The following PSMD2 variants were observed in gnomAD, a reference collection of about 807,000 sequenced individuals.
PSMD2 encodes proteasome 26S subunit ubiquitin receptor, non-ATPase 2, also known as 26S proteasome non-ATPase regulatory subunit 2.
PSMD2 carries 8 observed loss-of-function variants against 101.5 expected under a neutral mutation model. The observed-to-expected ratio is 0.08, with a 90% CI of 0.05 to 0.14. The LOEUF is 0.14. Among genes scored for constraint, PSMD2 ranks in the 10% least tolerant of loss-of-function variants. The pLI is 1.00. For missense variants in PSMD2, 784 were observed against 1,147.4 expected, an observed-to-expected ratio of 0.68 and a Z score of 4.58; for synonymous variants, 418 against 433.8, an observed-to-expected ratio of 0.96 and a Z score of 0.45.
intron 16 of PSMD2, among the ~76,000 whole-genome samples, chr3:184,307,127 T>C (rs1444697866): frequency 1.3e-5 from 2 of 151,796 alleles, no homozygotes; most frequent in Non-Finnish European, 2.9e-5. Flanking sequence ...GTATTTTTAG[T>C]AGAGACAGGG....
rs756150355 is a variant in PSMD2, at chr3:184,299,842, A to C, written c.136-9A>C. 8.1e-6 allele frequency: 13 copies of C among 1,611,354 alleles called. 1 individual carries two copies. In the East Asian group the frequency reaches 2.9e-4, roughly 36 times the overall value. ...TTCTCTTCATGAGCTGCTTCTCCCA[A>C]CCCTCCAGTCTGAAGAGGATAAACA... On this transcript the variant is annotated splice_polypyrimidine_tract_variant and intron_variant, in intron 1 of 20. Coordinates refer to ENST00000310118, the MANE Select transcript of PSMD2 (RefSeq NM_002808.5).
At chr3:184,305,622 A>G (rs1456296835) in intron 12 of PSMD2, 146 bp from the exon 13 acceptor site, 2 of 747,308 alleles carry the variant, frequency 2.7e-6, no homozygotes, top group Admixed American at 5.7e-5. Context: ...CTCAATGAAT[A>G]ATGACTACTA....
In PSMD2 at chr3:184,308,482, G is replaced by A. The variant is rs756693922; in HGVS notation, c.2459G>A (p.Gly820Glu). The A allele has an allele frequency of 6.2e-7, 1 of 1,612,216 alleles. No individual in the cohort carries two copies. The highest frequency in any genetic ancestry group is 8.5e-7 in the Non-Finnish European group (1 of 1,179,846). ...ILGKSHYVLY[G>E]LVAAMQPRML... The stretch of plus-strand genomic sequence containing the variant: ...GGCAAATCACACTATGTATTGTATG[G>A]GCTGGTGGCTGCCATGCAGCCCCGA... Residue 820 changes from glycine (G) to glutamate (E), a missense_variant, in exon 20 of 21, where the codon GGG becomes GAG. By Grantham distance (98) the Gly-to-Glu change is moderately conservative. Around this residue, in one of 6 missense-constraint regions of PSMD2, gnomAD observed 28 missense variants for 80.8 expected, o/e 0.35. Coordinates refer to ENST00000310118, the MANE Select transcript of PSMD2 (RefSeq NM_002808.5). The surrounding 1 kb of genome is among the most constrained non-coding windows in gnomAD (Gnocchi z 6.0).
intron 2 of PSMD2, 33 bp from the exon 3 acceptor site, chr3:184,300,247 C>T: frequency 6.3e-7 from 1 of 1,589,946 alleles, no homozygotes; most frequent in Non-Finnish European, 8.6e-7. Context: ...GGTGTGACTC[C>T]TTTTTGTCTG....
Position 184,306,692 on chromosome 3 carries a change from A to T in PSMD2, c.1951-59A>T, listed in dbSNP as rs138296063. The stretch of plus-strand genomic sequence containing the variant: ...TTTATTTTCAGATGGGACTTGAGTC[A>T]AGGGTGACTGTTTTTTATTCCTTGA... On this transcript the variant is annotated intron_variant, in intron 15 of 20. Transcript: ENST00000310118. 4.6e-3 allele frequency: 7,213 copies of T among 1,575,002 alleles called. 27 individuals are homozygous for T. Among genetic ancestry groups the T allele is most frequent in the Admixed American group, 6.6e-3 (374 of 56,858 alleles).
At chr3:184,303,235 A>T in intron 8 of PSMD2, 85 bp from the exon 9 acceptor site, 1 of 1,548,982 alleles carries the variant, frequency 6.5e-7, no homozygotes, top group Admixed American at 1.8e-5. Flanking sequence ...CTAGCTCAGA[A>T]CCAGAGACCA....
Position 184,307,682 on chromosome 3 carries a change from A to G in PSMD2, c.2272A>G (p.Asn758Asp), listed in dbSNP as rs773139800. 6.2e-7 allele frequency: 1 copy of G among 1,614,140 alleles called. No homozygotes were observed. Among genetic ancestry groups the G allele is most frequent in the Non-Finnish European group, 8.5e-7 (1 of 1,180,034 alleles). Reference sequence around the variant, plus strand: ...TCAATATCATGCCAAGGACCCAAACAACCTCTTCATGGTGCGCTTGGCACA... The same window carrying G: ...TCAATATCATGCCAAGGACCCAAACGACCTCTTCATGGTGCGCTTGGCACA... ...LAQYHAKDPN[N>D]LFMVRLAQGL... Residue 758 changes from asparagine (N) to aspartate (D), a missense_variant, in exon 18 of 21, where the codon AAC (asparagine) becomes GAC (aspartate). Physicochemically the swap from Asn to Asp is conservative, Grantham distance 23. This residue lies in a region of PSMD2 where 282 missense variants were observed against 437.6 expected (regional missense o/e 0.64). Coordinates refer to ENST00000310118, the MANE Select transcript of PSMD2 (RefSeq NM_002808.5).
Position 184,299,333 on chromosome 3 carries a change from G to T in PSMD2, c.67G>T (p.Gly23Cys). 1 of 1,408,098 alleles carries T rather than the reference G, an allele frequency of 7.1e-7. No homozygotes were observed. The allele number at this position is 1,408,098 out of a possible 1,614,324, so 87.2% of individuals were successfully genotyped here. The change falls in exon 1 of 21, where the codon GGC (glycine) becomes TGC (cysteine). Residue 23 changes from glycine to cysteine, a missense_variant. Gly to Cys is a radical substitution (Grantham distance 159). Coordinates refer to ENST00000310118, the MANE Select transcript of PSMD2 (RefSeq NM_002808.5). ...PQQSPAAAPG[G>C]TDEKPSGKER... ...GCAGTCTCCAGCGGCGGCCCCCGGC[G>T]GCACGGACGAGAAGCCGAGCGGCAA...
In PSMD2 at chr3:184,308,587, G is replaced by C; in HGVS notation, c.2544+20G>C. On this transcript the variant is annotated intron_variant, in intron 20 of 20. Coordinates refer to ENST00000310118, the MANE Select transcript of PSMD2 (RefSeq NM_002808.5). The surrounding 1 kb of genome is among the most constrained non-coding windows in gnomAD (Gnocchi z 6.0). ...GGCCAGGTGAGAGGCTGAGTAGAGGGGAGGGCTCAGGCTGTATTCTCAAAC... is the reference window on the plus strand; with the variant it reads ...GGCCAGGTGAGAGGCTGAGTAGAGGCGAGGGCTCAGGCTGTATTCTCAAAC... The C allele has an allele frequency of 6.2e-7, 1 of 1,602,182 alleles. No individual in the cohort carries two copies. The highest frequency in any genetic ancestry group is 1.3e-5 in the African/African-American group (1 of 74,744).
intron 16 of PSMD2, among the ~76,000 whole-genome samples, chr3:184,307,080 G>A (rs764685787): frequency 1.3e-5 from 2 of 152,150 alleles, no homozygotes; most frequent in Non-Finnish European, 2.9e-5. Context: ...AAGTAGCTGG[G>A]ACTACAGGCA....
chr3:184,302,094 G>A (rs1391585025), intron 5 of PSMD2, 23 bp downstream of exon 5: 1 of 1,609,850 alleles, frequency 6.2e-7, no homozygotes, highest in African/African-American at 1.3e-5. Flanking sequence ...GGTAGGGAAG[G>A]GTGGCAGGCA....
Position 184,309,011 on chromosome 3 carries a change from G to T in PSMD2, c.*121G>T, listed in dbSNP as rs1336038074. On this transcript the variant is annotated 3_prime_UTR_variant, in exon 21 of 21. Coordinates refer to ENST00000310118, the MANE Select transcript of PSMD2 (RefSeq NM_002808.5). The stretch of plus-strand genomic sequence containing the variant: ...TGTCGCCTCCTGCTCTTTTGTTACT[G>T]AGTGAGATAAGGTTGTTCAATAAAG... 3.8e-6 allele frequency: 4 copies of T among 1,048,790 alleles called. No individual in the cohort carries two copies. In the East Asian group the frequency reaches 9.5e-5, roughly 25 times the overall value. 65.0% of individuals were successfully genotyped at this position (1,048,790 alleles called of 1,614,324 possible).
At position 184,308,262 on chromosome 3, in the gene PSMD2, G is replaced by GTC. The variant is rs1270195761; in HGVS notation, c.2426-185_2426-184dup. ...GTCACTGGGGAAATGCGATTTTCAA[G>GTC]TCTAAGGGCTGTAAGCAAAGTGAGG... On this transcript the variant is annotated intron_variant, in intron 19 of 20. Transcript: ENST00000310118. The surrounding 1 kb of genome is among the most constrained non-coding windows in gnomAD (Gnocchi z 6.0). Among the ~76,000 whole-genome samples, 3 of 152,214 alleles carry GTC rather than the reference G, an allele frequency of 2.0e-5. No homozygotes were observed. The highest frequency in any genetic ancestry group is 1.3e-4 in the Admixed American group (2 of 15,280).
chr3:184,309,027 T>C lies in PSMD2; in HGVS notation c.*137T>C. On this transcript the variant is annotated 3_prime_UTR_variant, in exon 21 of 21. Coordinates refer to ENST00000310118, the MANE Select transcript of PSMD2 (RefSeq NM_002808.5). ...TTTGTTACTGAGTGAGATAAGGTTGTTCAATAAAGACTTTTATCCCCAAGG... is the reference window on the plus strand; with the variant it reads ...TTTGTTACTGAGTGAGATAAGGTTGCTCAATAAAGACTTTTATCCCCAAGG... 1.1e-6 allele frequency: 1 copy of C among 926,126 alleles called. No individual in the cohort carries two copies. The highest frequency in any genetic ancestry group is 1.6e-6 in the Non-Finnish European group (1 of 615,062). 57.4% of individuals were successfully genotyped at this position (926,126 alleles called of 1,614,324 possible). A position where few individuals can be genotyped will look rare whatever the true frequency, so the allele number is the denominator to read the frequency against.
At position 184,306,964 on chromosome 3, in the gene PSMD2, T is replaced by TGAAA. The variant is rs892385005; in HGVS notation, c.2034+130_2034+131insGAAA. 1.3e-5 allele frequency: 10 copies of TGAAA among 784,936 alleles called. No individual in the cohort carries two copies. In the African/African-American group the frequency reaches 1.6e-4, roughly 12 times the overall value. 48.6% of individuals were successfully genotyped at this position (784,936 alleles called of 1,614,324 possible). A position where few individuals can be genotyped will look rare whatever the true frequency, so the allele number is the denominator to read the frequency against. The stretch of plus-strand genomic sequence containing the variant: ...TGCTGTGCCTTTTCTTTCTTTTTTC[T>TGAAA]TTTCTTTTTTGAAGCGGAGTTTTGC... On this transcript the variant is annotated intron_variant, in intron 16 of 20. Transcript: ENST00000310118.
intron 3 of PSMD2, chr3:184,300,809 G>T: frequency 3.0e-6 from 1 of 330,710 alleles, no homozygotes; most frequent in Non-Finnish European, 4.5e-6. Context: ...GAAATGTTCA[G>T]TTTTTGCATG....
Position 184,299,254 on chromosome 3 carries a change from A to G in PSMD2, c.-13A>G. 2 of 1,329,362 alleles carry G rather than the reference A, an allele frequency of 1.5e-6. No homozygotes were observed. The highest frequency in any genetic ancestry group is 1.9e-6 in the Non-Finnish European group (2 of 1,041,462). The allele number at this position is 1,329,362 out of a possible 1,614,324, so 82.3% of individuals were successfully genotyped here. The stretch of plus-strand genomic sequence containing the variant: ...GCGGGTGCGCGCGCAGCGGGCCGGC[A>G]GTGGCGGCGGAGATGGAGGAGGGAG... On this transcript the variant is annotated 5_prime_UTR_variant, in exon 1 of 21. Coordinates refer to ENST00000310118, the MANE Select transcript of PSMD2 (RefSeq NM_002808.5).
chr3:184,300,020 T>A (rs1015736486), intron 2 of PSMD2, 113 bp downstream of exon 2: 3 of 1,045,440 alleles, frequency 2.9e-6, no homozygotes, highest in Non-Finnish European at 4.5e-6. Flanking sequence ...GTCAGTGTTA[T>A]GATGATGTTG....
chr3:184,304,006 T>G lies in PSMD2; in HGVS notation c.1383T>G (p.Pro461=). The change falls in exon 11 of 21, where the codon CCT becomes CCG. Residue 461 remains proline, a synonymous_variant. Coordinates refer to ENST00000310118, the MANE Select transcript of PSMD2 (RefSeq NM_002808.5). This position sits in a 1 kb window ranked among gnomAD's most constrained non-coding sequence, Gnocchi z 4.1. ...CTGGGGTCCGGAATGAGTGTGACCC[T>G]GCTCTGGCACTGCTCTCAGACTATG... ...VNSGVRNECD[P]ALALLSDYVL... 6.2e-7 allele frequency: 1 copy of G among 1,614,208 alleles called. No individual in the cohort carries two copies. Among genetic ancestry groups the G allele is most frequent in the Non-Finnish European group, 8.5e-7 (1 of 1,180,006 alleles).
Sources: allele counts gnomAD v4.1 joint callset (sites outside exome capture counted in the v4.1 genomes callset), GRCh38; gene constraint gnomAD v4.1.1; regional missense constraint gnomAD v4.1.1; non-coding constraint Gnocchi (gnomAD v3.1); transcripts MANE v1.5; gene names NCBI Gene and HGNC (gene_info 2026-07-23, HGNC 2026-07-21).